The following SPOCK3 variants were observed in gnomAD, a reference collection of about 807,000 sequenced individuals.
SPOCK3 encodes SPARC (osteonectin), cwcv and kazal like domains proteoglycan 3, also known as testican-3.
In SPOCK3, 30 loss-of-function variants were observed where a neutral mutation model predicts 56.6. That is an observed-to-expected ratio of 0.53 (90% CI 0.40 to 0.72). The LOEUF (loss-of-function observed/expected upper bound fraction) is 0.72. Ranked by LOEUF, SPOCK3 falls within the 30% of genes least tolerant of loss-of-function variation. SPOCK3 has a pLI of 0.00. For missense variants in SPOCK3, 527 were observed against 530.0 expected (o/e 0.99, Z 0.06); for synonymous variants, 196 against 183.3 (o/e 1.07, Z -0.56).
chr4:166,925,992 T>G (rs1275392899), intron 4 of SPOCK3, among the ~76,000 whole-genome samples: 3 of 152,158 alleles, frequency 2.0e-5, no homozygotes, highest in Non-Finnish European at 4.4e-5. Flanking sequence ...AAACTTCTTC[T>G]CTAAGTTACA....
rs529708911 is a variant in SPOCK3, at chr4:167,109,511, TATA to T, written c.190-46977_190-46975del. 6.1e-3 allele frequency among the ~76,000 whole-genome samples: 737 copies of T among 120,414 alleles called. 7 individuals are homozygous for T. Among genetic ancestry groups the T allele is most frequent in the African/African-American group, 0.023 (689 of 29,346 alleles). 79.0% of individuals were successfully genotyped at this position (120,414 alleles called of 152,430 possible). ...ATATATTTATATATTTTATATAAAA[TATA>T]ATATTTATATATTTTATATAAATAT... On this transcript the variant is annotated intron_variant, in intron 2 of 10. Coordinates refer to ENST00000357545, the MANE Select transcript of SPOCK3 (RefSeq NM_001040159.2).
chr4:167,131,447 T>G (rs1762688125), intron 2 of SPOCK3, among the ~76,000 whole-genome samples: 1 of 151,692 alleles, frequency 6.6e-6, no homozygotes, highest in South Asian at 2.1e-4. Context: ...ATTAGCTGGG[T>G]GTGAAATTAG....
intron 8 of SPOCK3, among the ~76,000 whole-genome samples, chr4:166,746,914 C>T (rs145801061): frequency 0.33 from 50,141 of 151,898 alleles, 8,433 homozygotes; most frequent in Admixed American, 0.42. Context: ...GACACATACA[C>T]CCTCCCAAGA....
At position 166,748,287 on chromosome 4, in the gene SPOCK3, G is replaced by C. The variant is rs1279684231; in HGVS notation, c.931+6221C>G. On this transcript the variant is annotated intron_variant, in intron 8 of 10. Transcript: ENST00000357545. Reference sequence around the variant, plus strand: ...AGCATGGTACTGGTACCAAAACAGAGATATAGACCAGTGGAACAGAACAGA... The same window carrying C: ...AGCATGGTACTGGTACCAAAACAGACATATAGACCAGTGGAACAGAACAGA... 6.6e-5 allele frequency among the ~76,000 whole-genome samples: 9 copies of C among 137,260 alleles called. 1 individual carries two copies. In the South Asian group the frequency reaches 2.0e-3, roughly 30 times the overall value. 90.0% of individuals were successfully genotyped at this position (137,260 alleles called of 152,430 possible). A position where few individuals can be genotyped will look rare whatever the true frequency, so the allele number is the denominator to read the frequency against.
At chr4:166,741,823 T>C (rs1197649845) in intron 9 of SPOCK3, among the ~76,000 whole-genome samples, 174 bp downstream of exon 9, 2 of 152,182 alleles carry the variant, frequency 1.3e-5, no homozygotes, top group African/African-American at 2.4e-5. Context: ...ATAATATCTT[T>C]CAATAGGTAA....
At chr4:166,860,425 A>G (rs1731110190) in intron 6 of SPOCK3, among the ~76,000 whole-genome samples, 1 of 152,092 alleles carries the variant, frequency 6.6e-6, no homozygotes. Context: ...CAGCTTTAAA[A>G]CAAATTTTAA....
chr4:166,765,130 T>G (rs1316404339), intron 7 of SPOCK3, among the ~76,000 whole-genome samples: 1 of 152,194 alleles, frequency 6.6e-6, no homozygotes. Context: ...TTTCTCCCAT[T>G]CTGTAGGTTG....
At chr4:167,214,002 C>T (rs1580648824) in intron 2 of SPOCK3, among the ~76,000 whole-genome samples, 1 of 152,022 alleles carries the variant, frequency 6.6e-6, no homozygotes, top group African/African-American at 2.4e-5. Context: ...CTATAAAATG[C>T]TATGGTAATA....
rs551937406 is a variant in SPOCK3, at chr4:167,065,417, A to G, written c.190-2880T>C. On this transcript the variant is annotated intron_variant, in intron 2 of 10. Transcript: ENST00000357545. ...AATATAATTTTAAAATCTAACCTCA[A>G]CCACATTTAATGATCTTCCTTCAGA... Among the ~76,000 whole-genome samples the G allele has an allele frequency of 2.0e-5, 3 of 151,948 alleles. No homozygotes were observed. In the East Asian group the frequency reaches 5.8e-4, roughly 29 times the overall value.
At chr4:166,765,037 T>A (rs1579151927) in intron 7 of SPOCK3, among the ~76,000 whole-genome samples, 1 of 152,228 alleles carries the variant, frequency 6.6e-6, no homozygotes, top group Non-Finnish European at 1.5e-5. Context: ...CGATGGGTTC[T>A]TTGTTTTTTT....
Position 166,742,034 on chromosome 4 carries a change from G to T in SPOCK3, c.957C>A (p.Ser319Arg). Residue 319 changes from serine (S) to arginine (R), a missense_variant, in exon 9 of 11, where the codon AGC becomes AGA. Physicochemically the swap from Ser to Arg is moderately radical, Grantham distance 110. Coordinates refer to ENST00000357545, the MANE Select transcript of SPOCK3 (RefSeq NM_001040159.2). ...TTACCCCTTGCCGCTTCTGAATATT[G>T]CTGAGCTCAGTCTGGCAAGGTGGGT... ...QQDPPCQTELSNIQKRQGVKK... is the reference protein window; with the variant it reads ...QQDPPCQTELRNIQKRQGVKK... 6.2e-7 allele frequency: 1 copy of T among 1,612,848 alleles called. No individual in the cohort carries two copies. Among genetic ancestry groups the T allele is most frequent in the Non-Finnish European group, 8.5e-7 (1 of 1,179,100 alleles).
In SPOCK3 at chr4:167,234,100, G is replaced by A. The variant is rs145028680; in HGVS notation, c.74C>T (p.Ala25Val). The change falls in exon 2 of 11, where the codon GCG (alanine) becomes GTG (valine). Residue 25 changes from alanine (A) to valine (V), a missense_variant. Physicochemically the swap from Ala to Val is moderately conservative, Grantham distance 64 (BLOSUM62 0). Coordinates refer to ENST00000357545, the MANE Select transcript of SPOCK3 (RefSeq NM_001040159.2). ...CGACCGCCCCCCGGCTGCAGCCACCGCCGCGGCAGCTGCGAGAGACTGACT... is the reference window on the plus strand; with the variant it reads ...CGACCGCCCCCCGGCTGCAGCCACCACCGCGGCAGCTGCGAGAGACTGACT... ...WCSQSLAAAA[A>V]VAAAGGRSDG... is the part of the protein sequence containing the mutation. 113 of 1,613,872 alleles carry A rather than the reference G, an allele frequency of 7.0e-5. No homozygotes were observed. The African/African-American group carries it at 1.3e-3, about 19-fold the overall frequency.
At chr4:166,744,328 T>C (rs1015378626) in intron 8 of SPOCK3, among the ~76,000 whole-genome samples, 1 of 152,166 alleles carries the variant, frequency 6.6e-6, no homozygotes, top group African/African-American at 2.4e-5. Flanking sequence ...CCACTGGTGA[T>C]ACCCAGGCAA....
At chr4:167,116,669 G>C (rs1367390239) in intron 2 of SPOCK3, among the ~76,000 whole-genome samples, 160 of 46,610 alleles carry the variant, frequency 3.4e-3, no homozygotes, top group Admixed American at 7.0e-3. Context: ...TACGTATATA[G>C]TATATATGTA....
At chr4:167,216,568 G>T (rs17703512) in intron 2 of SPOCK3, among the ~76,000 whole-genome samples, 8 of 151,780 alleles carry the variant, frequency 5.3e-5, no homozygotes, top group Non-Finnish European at 1.5e-5. Context: ...GATTTGATTG[G>T]GAACGCTGAG....
intron 6 of SPOCK3, among the ~76,000 whole-genome samples, chr4:166,799,621 T>C (rs1204442405): frequency 6.6e-6 from 1 of 152,036 alleles, no homozygotes; most frequent in East Asian, 1.9e-4. Flanking sequence ...TTTCCAAGAA[T>C]AGAAGGTTGC....
At chr4:166,754,780 G>A (rs1560823889) in intron 7 of SPOCK3, 51 bp from the exon 8 acceptor site, 7 of 1,580,566 alleles carry the variant, frequency 4.4e-6, no homozygotes, top group South Asian at 1.1e-5. Flanking sequence ...GACACCATTA[G>A]CAGAAAGCAA....
At chr4:166,899,185 C>G (rs950352320) in intron 5 of SPOCK3, among the ~76,000 whole-genome samples, 3 of 151,734 alleles carry the variant, frequency 2.0e-5, no homozygotes, top group Non-Finnish European at 4.4e-5. Context: ...GACAACAGAT[C>G]TTGGTACTTG....
At chr4:167,163,157 T>A (rs1765464536) in intron 2 of SPOCK3, among the ~76,000 whole-genome samples, 1 of 144,526 alleles carries the variant, frequency 6.9e-6, no homozygotes, top group African/African-American at 2.5e-5. Context: ...TAGGTTTTTT[T>A]GTTGGGGGAT....
Sources: gnomAD v4.1 joint callset for allele counts (sites outside exome capture counted in the v4.1 genomes callset) on GRCh38, gnomAD v4.1.1 for gene constraint, MANE v1.5 for transcripts, NCBI Gene and HGNC (gene_info 2026-07-23, HGNC 2026-07-21) for gene names.